Variants in ACMSD observed in about 807,000 individuals in gnomAD.
ACMSD encodes the protein aminocarboxymuconate semialdehyde decarboxylase.
A neutral mutation model predicts 45.9 loss-of-function variants in ACMSD; 37 were observed. The observed-to-expected ratio is 0.81, with a 90% CI of 0.62 to 1.06. ACMSD has a LOEUF of 1.06. Ranked by LOEUF, ACMSD falls within the 50% of genes least tolerant of loss-of-function variation. ACMSD has a pLI of 0.00. For synonymous variants in ACMSD, 138 were observed against 148.8 expected, an observed-to-expected ratio of 0.93 and a Z score of 0.53; for missense variants, 434 against 420.9, an observed-to-expected ratio of 1.03 and a Z score of -0.27.
intron 9 of ACMSD, 22 bp downstream of exon 9, chr2:134,898,461 G>A (rs373912537): frequency 2.6e-5 from 39 of 1,520,140 alleles, no homozygotes; most frequent in African/African-American, 4.2e-5. Context: ...TTTACTTCAC[G>A]GCTTTCTTAC....
At chr2:134,877,924 C>T (rs1688836924) in intron 8 of ACMSD, among the ~76,000 whole-genome samples, 2 of 152,070 alleles carry the variant, frequency 1.3e-5, no homozygotes, top group South Asian at 2.1e-4. Context: ...TTAAAACTAC[C>T]TCATTCCACT....
At position 134,863,544 on chromosome 2, in the gene ACMSD, G is replaced by C. The variant is rs1396166054; in HGVS notation, c.399G>C (p.Val133=). 8.1e-6 allele frequency: 13 copies of C among 1,614,204 alleles called. No individual in the cohort carries two copies. The highest frequency in any genetic ancestry group is 6.8e-6 in the Non-Finnish European group (8 of 1,180,020). Residue 133 remains valine (V), a synonymous_variant, in exon 5 of 10, where the codon GTG becomes GTC. Coordinates refer to ENST00000356140, the MANE Select transcript of ACMSD (RefSeq NM_138326.3). ...CGGTCAAGGAGATGGAGCGCTGTGTGAAAGAGCTGGGCTTTCCCGGGGTCC... is the reference window on the plus strand; with the variant it reads ...CGGTCAAGGAGATGGAGCGCTGTGTCAAAGAGCTGGGCTTTCCCGGGGTCC... The part of the protein sequence containing the change: ...ELAVKEMERC[V]KELGFPGVQI...
intron 9 of ACMSD, among the ~76,000 whole-genome samples, chr2:134,901,416 GA>G (rs1465073697): frequency 3.9e-5 from 6 of 152,154 alleles, no homozygotes; most frequent in African/African-American, 1.2e-4. Context: ...GCAGCTGGGG[GA>G]TGGCTAGATG....
At chr2:134,848,899 G>A (rs1381283698) in intron 2 of ACMSD, among the ~76,000 whole-genome samples, 2 of 152,118 alleles carry the variant, frequency 1.3e-5, no homozygotes, top group African/African-American at 4.8e-5. Context: ...CTGTCTCTGA[G>A]GCAGCCCATC....
chr2:134,866,959 G>A (rs1688126376), intron 5 of ACMSD, among the ~76,000 whole-genome samples: 1 of 152,160 alleles, frequency 6.6e-6, no homozygotes, highest in Non-Finnish European at 1.5e-5. Context: ...GGCTTCTGGG[G>A]ATGGGTGAAT....
intron 2 of ACMSD, among the ~76,000 whole-genome samples, chr2:134,851,529 G>A (rs1261045345): frequency 6.6e-6 from 1 of 151,598 alleles, no homozygotes; most frequent in Non-Finnish European, 1.5e-5. Context: ...CTGCACCTCC[G>A]CCTACTGGGT....
At chr2:134,874,285 G>C (rs1055556507) in intron 8 of ACMSD, among the ~76,000 whole-genome samples, 1 of 152,140 alleles carries the variant, frequency 6.6e-6, no homozygotes, top group African/African-American at 2.4e-5. Context: ...ATAATAATTT[G>C]GGCATCAAAA....
intron 2 of ACMSD, among the ~76,000 whole-genome samples, chr2:134,850,422 C>T (rs557358658): frequency 6.6e-6 from 1 of 152,150 alleles, no homozygotes; most frequent in East Asian, 1.9e-4. Flanking sequence ...GTGTGTGCCA[C>T]CACACCCAGC....
chr2:134,851,188 T>C (rs930802291), intron 2 of ACMSD, among the ~76,000 whole-genome samples: 1 of 152,240 alleles, frequency 6.6e-6, no homozygotes, highest in African/African-American at 2.4e-5. Context: ...TGGAATATTA[T>C]ATTTTCTTTA....
At chr2:134,883,730 G>C (rs1235518285) in intron 8 of ACMSD, among the ~76,000 whole-genome samples, 2 of 152,074 alleles carry the variant, frequency 1.3e-5, no homozygotes, top group African/African-American at 4.8e-5. Flanking sequence ...GCTTCTGGCT[G>C]AAAGTGATCC....
At chr2:134,872,882 T>G in intron 8 of ACMSD, 1 of 466,584 alleles carries the variant, frequency 2.1e-6, no homozygotes, top group Non-Finnish European at 3.9e-6. Flanking sequence ...TCCCAGATCA[T>G]CTACATGGCT....
chr2:134,876,100 C>T (rs905419454), intron 8 of ACMSD, among the ~76,000 whole-genome samples: 4 of 152,086 alleles, frequency 2.6e-5, no homozygotes, highest in African/African-American at 9.7e-5. Context: ...ATGTATAGGG[C>T]ACTTACCATG....
chr2:134,848,771 T>C (rs1004044406), intron 2 of ACMSD, among the ~76,000 whole-genome samples: 3 of 152,238 alleles, frequency 2.0e-5, no homozygotes, highest in South Asian at 2.1e-4. Flanking sequence ...AGAAGCTCTT[T>C]AGCATTTGTC....
chr2:134,864,253 A>T (rs1163691879), intron 5 of ACMSD, among the ~76,000 whole-genome samples: 5 of 150,530 alleles, frequency 3.3e-5, no homozygotes, highest in Non-Finnish European at 7.4e-5. Flanking sequence ...TGGGTAAGAG[A>T]GCAAGACTCC....
Position 134,863,381 on chromosome 2 carries a change from C to T in ACMSD, c.250-14C>T. 1.2e-6 allele frequency: 2 copies of T among 1,611,380 alleles called. No homozygotes were observed. The highest frequency in any genetic ancestry group is 1.7e-6 in the Non-Finnish European group (2 of 1,177,586). ...TTTTCAACAATGCGGTTTTCCCTTT[C>T]CTGTCTCCACCAGGCCAAACCTGAG... On this transcript the variant is annotated splice_polypyrimidine_tract_variant and intron_variant, in intron 4 of 9. Transcript: ENST00000356140.
chr2:134,886,246 A>ATTATTATTATTATTTTTTTTTTTTT, intron 8 of ACMSD, among the ~76,000 whole-genome samples: 50 of 115,434 alleles, frequency 4.3e-4, no homozygotes, highest in African/African-American at 6.5e-4. Context: ...TATTATTATT[A>ATTATTATTATTATTTTTTTTTTTTT]TTTTTTTTTT....
chr2:134,843,868 G>A (rs1285084161), intron 1 of ACMSD, among the ~76,000 whole-genome samples: 5 of 152,232 alleles, frequency 3.3e-5, no homozygotes, highest in South Asian at 2.1e-4. Flanking sequence ...TCCCAATACC[G>A]CAGCCCAAGG....
intron 8 of ACMSD, among the ~76,000 whole-genome samples, chr2:134,892,243 C>T (rs1027046058): frequency 3.3e-5 from 5 of 151,460 alleles, no homozygotes; most frequent in Admixed American, 2.0e-4. Flanking sequence ...TTTAAAAAAT[C>T]GGGTATAACT....
intron 1 of ACMSD, among the ~76,000 whole-genome samples, chr2:134,840,236 G>A (rs1180396765): frequency 7.7e-6 from 1 of 129,670 alleles, no homozygotes; most frequent in Non-Finnish European, 1.6e-5. Context: ...ATTTGAGTAT[G>A]AAAGAATATC....
Sources: gnomAD v4.1 joint callset for allele counts (sites outside exome capture counted in the v4.1 genomes callset) on GRCh38, gnomAD v4.1.1 for gene constraint, MANE v1.5 for transcripts, NCBI Gene and HGNC (gene_info 2026-07-23, HGNC 2026-07-21) for gene names.